Variants in INVS observed in about 807,000 individuals in gnomAD.
The protein encoded by INVS is inversion of embryo turning homolog.
INVS carries 86 observed loss-of-function variants against 108.8 expected under a neutral mutation model. That is an observed-to-expected ratio of 0.79 (90% CI 0.66 to 0.95). The LOEUF (loss-of-function observed/expected upper bound fraction) is 0.95. Among genes scored for constraint, INVS ranks in the 40% least tolerant of loss-of-function variants. INVS has a pLI of 0.00. For missense variants in INVS, 1,169 were observed against 1,297.4 expected (o/e 0.90, Z 1.52); for synonymous variants, 455 against 473.5 (o/e 0.96, Z 0.51).
chr9:100,143,642 A>G (rs933036064), intron 3 of INVS, among the ~76,000 whole-genome samples: 8 of 152,144 alleles, frequency 5.3e-5, no homozygotes, highest in African/African-American at 1.9e-4. Flanking sequence ...AGGGAAGCAG[A>G]TAATTTAGTT....
In INVS at chr9:100,246,599, A is replaced by G. The variant is rs1225527784; in HGVS notation, c.907-17A>G. The G allele has an allele frequency of 6.2e-7, 1 of 1,600,340 alleles. No individual in the cohort carries two copies. The highest frequency in any genetic ancestry group is 8.6e-7 in the Non-Finnish European group (1 of 1,167,834). On this transcript the variant is annotated splice_polypyrimidine_tract_variant and intron_variant, in intron 7 of 16. Coordinates refer to ENST00000262457, the MANE Select transcript of INVS (RefSeq NM_014425.5). ...CTACTGTTTTGTCTCCATTTTTTAA[A>G]TCAAGTTTTCTTACAGGAAACGGTT... is the stretch of plus-strand genomic sequence containing the variant.
chr9:100,302,146 A>T lies in INVS; in HGVS notation c.*1472A>T, dbSNP rs773409439. ...ACATCAGTCTTTTTCTTCAAATAAG[A>T]TAGATGTGAATAAACAACTTCAAAC... On this transcript the variant is annotated 3_prime_UTR_variant, in exon 17 of 17. Transcript: ENST00000262457. 71 of 1,159,740 alleles carry T rather than the reference A, an allele frequency of 6.1e-5. No individual in the cohort carries two copies. The highest frequency in any genetic ancestry group is 8.0e-5 in the Non-Finnish European group (65 of 816,756). 71.8% of individuals were successfully genotyped at this position (1,159,740 alleles called of 1,614,324 possible).
intron 2 of INVS, among the ~76,000 whole-genome samples, chr9:100,115,481 T>C (rs994545799): frequency 1.3e-5 from 2 of 151,464 alleles, no homozygotes; most frequent in South Asian, 4.2e-4. Flanking sequence ...CAGGCCCCAG[T>C]GTGTGATGTT....
At chr9:100,166,627 A>G (rs1829373388) in intron 3 of INVS, among the ~76,000 whole-genome samples, 3 of 152,190 alleles carry the variant, frequency 2.0e-5, no homozygotes, top group Admixed American at 2.0e-4. Context: ...GCACCTATTA[A>G]TATTTTTATA....
intron 4 of INVS, among the ~76,000 whole-genome samples, chr9:100,228,652 C>T (rs1212044715): frequency 6.6e-6 from 1 of 152,142 alleles, no homozygotes; most frequent in Non-Finnish European, 1.5e-5. Context: ...AAATAACTGT[C>T]ATGCCTAAGA....
intron 3 of INVS, among the ~76,000 whole-genome samples, chr9:100,143,853 C>T (rs117484894): frequency 0.21 from 31,880 of 151,880 alleles, 5,695 homozygotes; most frequent in African/African-American, 0.49. Context: ...GCTTCCATAT[C>T]GATTAAGAAG....
chr9:100,166,302 A>C (rs1371957238), intron 3 of INVS, among the ~76,000 whole-genome samples: 2 of 152,152 alleles, frequency 1.3e-5, no homozygotes, highest in Non-Finnish European at 2.9e-5. Context: ...TGAGCCCAGG[A>C]GTTCAAGACC....
intron 13 of INVS, among the ~76,000 whole-genome samples, chr9:100,288,953 A>G (rs550895161): frequency 2.7e-5 from 4 of 150,230 alleles, no homozygotes; most frequent in East Asian, 3.9e-4. Context: ...GCTGAGGCCT[A>G]TGAGACTCTT....
intron 8 of INVS, among the ~76,000 whole-genome samples, chr9:100,247,077 C>A (rs1403802385): frequency 1.3e-5 from 2 of 150,028 alleles, no homozygotes; most frequent in Non-Finnish European, 3.0e-5. Context: ...GATCATTTAT[C>A]TTTTTGTAAA....
At chr9:100,287,464 G>T (rs1833482713) in intron 13 of INVS, among the ~76,000 whole-genome samples, 1 of 152,178 alleles carries the variant, frequency 6.6e-6, no homozygotes, top group South Asian at 2.1e-4. Flanking sequence ...TTTGGTCACA[G>T]ATTATTCACA....
At chr9:100,119,204 C>T (rs1827647703) in intron 2 of INVS, among the ~76,000 whole-genome samples, 1 of 152,124 alleles carries the variant, frequency 6.6e-6, no homozygotes, top group African/African-American at 2.4e-5. Context: ...TATTCTTCTA[C>T]TTCTTTTGCC....
chr9:100,137,081 A>G (rs1828251861), intron 3 of INVS, among the ~76,000 whole-genome samples: 1 of 152,186 alleles, frequency 6.6e-6, no homozygotes, highest in South Asian at 2.1e-4. Context: ...GATACACAGT[A>G]GGAAAGTTTG....
chr9:100,268,239 G>A (rs1307963531), intron 11 of INVS, among the ~76,000 whole-genome samples: 2 of 152,152 alleles, frequency 1.3e-5, no homozygotes, highest in Non-Finnish European at 2.9e-5. Flanking sequence ...TTAAAAAAAA[G>A]ATTATGGGGA....
At chr9:100,211,308 C>G (rs1005358975) in intron 3 of INVS, among the ~76,000 whole-genome samples, 4 of 152,120 alleles carry the variant, frequency 2.6e-5, no homozygotes, top group African/African-American at 9.7e-5. Flanking sequence ...AAATAAGCAT[C>G]CCAGCATTTT....
Position 100,246,795 on chromosome 9 carries a change from C to T in INVS, c.1078+8C>T. On this transcript the variant is annotated splice_region_variant and intron_variant, in intron 8 of 16. Coordinates refer to ENST00000262457, the MANE Select transcript of INVS (RefSeq NM_014425.5). ...ACAAATATGGAGGTACAGGTGAGAA[C>T]TGGTGGACACATTCAATTTGCTTTC... is the stretch of plus-strand genomic sequence containing the variant. 1 of 1,612,404 alleles carries T rather than the reference C, an allele frequency of 6.2e-7. No homozygotes were observed. The highest frequency in any genetic ancestry group is 8.5e-7 in the Non-Finnish European group (1 of 1,178,534).
chr9:100,148,920 C>T (rs1828717397), intron 3 of INVS, among the ~76,000 whole-genome samples: 1 of 152,050 alleles, frequency 6.6e-6, no homozygotes, highest in Non-Finnish European at 1.5e-5. Context: ...TGTAAATGAA[C>T]TAATATTGTT....
intron 16 of INVS, 33 bp from the exon 17 acceptor site, chr9:100,300,535 C>T (rs1564197080): frequency 3.6e-6 from 5 of 1,374,362 alleles, no homozygotes; most frequent in Non-Finnish European, 4.2e-6. Context: ...AAATTAATAA[C>T]CTTAATATCT....
intron 13 of INVS, among the ~76,000 whole-genome samples, chr9:100,288,827 T>C (rs370228828): frequency 2.6e-5 from 4 of 152,100 alleles, no homozygotes; most frequent in Non-Finnish European, 1.5e-5. Flanking sequence ...GATTTCATCA[T>C]GTTGCCCAGG....
At position 100,129,954 on chromosome 9, in the gene INVS, C is replaced by T. The variant is rs573339522; in HGVS notation, c.273+3405C>T. Reference sequence around the variant, plus strand: ...AATGCAAGAATCTGGATACAAATTCCTCACAAGTTTTTAACAGATTCCTAA... The same window carrying T: ...AATGCAAGAATCTGGATACAAATTCTTCACAAGTTTTTAACAGATTCCTAA... On this transcript the variant is annotated intron_variant, in intron 3 of 16. Transcript: ENST00000262457. 105 of 413,956 alleles carry T rather than the reference C, an allele frequency of 2.5e-4. No individual in the cohort carries two copies. In the South Asian group the frequency reaches 7.5e-3, roughly 30 times the overall value. 25.6% of individuals were successfully genotyped at this position (413,956 alleles called of 1,614,324 possible). A position where few individuals can be genotyped will look rare whatever the true frequency, so the allele number is the denominator to read the frequency against.
Sources: allele counts gnomAD v4.1 joint callset (sites outside exome capture counted in the v4.1 genomes callset), GRCh38; gene constraint gnomAD v4.1.1; transcripts MANE v1.5; gene names NCBI Gene and HGNC (gene_info 2026-07-23, HGNC 2026-07-21).